CIITA: variants seen among roughly 807,000 people sequenced by gnomAD.
The protein encoded by CIITA is MHC class II transactivator.
CIITA carries 72 observed loss-of-function variants against 115.1 expected under a neutral mutation model. The ratio of observed to expected loss-of-function variants is 0.63; its 90% CI spans 0.52 to 0.76. The LOEUF (loss-of-function observed/expected upper bound fraction) is 0.76, where lower values mean the gene tolerates loss of function less well. Among genes scored for constraint, CIITA ranks in the 30% least tolerant of loss-of-function variants. The probability of loss-of-function intolerance (pLI) is 0.00; values close to 1 mark genes in which losing one functional copy is unlikely to be tolerated. For missense variants in CIITA, 1,617 were observed against 1,463.8 expected, an observed-to-expected ratio of 1.10 and a Z score of -1.71; for synonymous variants, 763 against 635.6, an observed-to-expected ratio of 1.20 and a Z score of -3.02.
At chr16:10,869,982 A>G (rs559784389) in intron 1 of CIITA, among the ~76,000 whole-genome samples, 89 of 152,144 alleles carry the variant, frequency 5.8e-4, no homozygotes, top group Admixed American at 1.3e-3. Flanking sequence ...TATTTGTTGA[A>G]TGTTCAGTGG....
intron 10 of CIITA, among the ~76,000 whole-genome samples, chr16:10,905,459 A>ATTAC (rs2039073572): frequency 6.6e-6 from 1 of 152,154 alleles, no homozygotes. Context: ...TAGTGAGTAA[A>ATTAC]TGAAGGAATG....
intron 16 of CIITA, among the ~76,000 whole-genome samples, chr16:10,919,063 C>T (rs2040125242): frequency 6.6e-6 from 1 of 152,240 alleles, no homozygotes; most frequent in Admixed American, 6.5e-5. Flanking sequence ...GCATTACCAG[C>T]TCTTCTTACT....
chr16:10,886,960 C>T (rs1355705261), intron 1 of CIITA, among the ~76,000 whole-genome samples: 1 of 152,194 alleles, frequency 6.6e-6, no homozygotes, highest in East Asian at 1.9e-4. Flanking sequence ...TGGTAAACCT[C>T]TTTGGGGCCA....
In CIITA at chr16:10,879,168, A is replaced by G; in HGVS notation, c.52+1786A>G. The G allele has an allele frequency of 5.6e-6, 1 of 177,936 alleles. No individual in the cohort carries two copies. Among genetic ancestry groups the G allele is most frequent in the African/African-American group, 2.4e-5 (1 of 42,358 alleles). The allele number at this position is 177,936 out of a possible 1,614,324, so 11.0% of individuals were successfully genotyped here. A position where few individuals can be genotyped will look rare whatever the true frequency, so the allele number is the denominator to read the frequency against. On this transcript the variant is annotated intron_variant, in intron 1 of 19. Coordinates refer to ENST00000324288, the MANE Select transcript of CIITA (RefSeq NM_000246.4). This position sits in a 1 kb window ranked among gnomAD's most constrained non-coding sequence, Gnocchi z 4.3. ...AGGATGGGGGGATGGAATATGCAAA[A>G]TGTAGGGCCGGGAAACACCTCGTTT...
In CIITA at chr16:10,934,565, A is replaced by C. The variant is rs932174993; in HGVS notation, c.*10710A>C. 5 of 152,234 alleles carry C rather than the reference A, an allele frequency of 3.3e-5. No individual in the cohort carries two copies. The East Asian group carries it at 9.6e-4, about 29-fold the overall frequency. 9.4% of individuals were successfully genotyped at this position (152,234 alleles called of 1,614,324 possible). ...GAAACATCAGGACAGCGTGGCCAGG[A>C]GCCCAATGCTGCCACCTCATAGATG... is the stretch of plus-strand genomic sequence containing the variant. On this transcript the variant is annotated 3_prime_UTR_variant, in exon 20 of 20. Coordinates refer to ENST00000324288, the MANE Select transcript of CIITA (RefSeq NM_000246.4). The surrounding 1 kb of genome is among the most constrained non-coding windows in gnomAD (Gnocchi z 4.2).
chr16:10,889,422 G>A (rs1227509142), intron 1 of CIITA, among the ~76,000 whole-genome samples: 1 of 152,078 alleles, frequency 6.6e-6, no homozygotes, highest in Non-Finnish European at 1.5e-5. Context: ...CTAATGTAAT[G>A]GGCTTCCTTT....
intron 5 of CIITA, among the ~76,000 whole-genome samples, chr16:10,900,830 T>C (rs1444976414): frequency 6.6e-6 from 1 of 152,212 alleles, no homozygotes; most frequent in African/African-American, 2.4e-5. Flanking sequence ...ATTTTGATTC[T>C]ACAATTAATG....
At chr16:10,912,200 C>T (rs1031669539) in intron 13 of CIITA, among the ~76,000 whole-genome samples, 1 of 152,018 alleles carries the variant, frequency 6.6e-6, no homozygotes, top group Non-Finnish European at 1.5e-5. Context: ...CTGCAATCTC[C>T]ACCTCTCGGT....
At chr16:10,868,435 A>G (rs1441744492) in intron 1 of CIITA, among the ~76,000 whole-genome samples, 1 of 152,164 alleles carries the variant, frequency 6.6e-6, no homozygotes, top group Admixed American at 6.5e-5. Context: ...CCAAGACAAC[A>G]TTTCTACAGG....
intron 5 of CIITA, among the ~76,000 whole-genome samples, chr16:10,899,670 T>A (rs2144450069): frequency 6.6e-6 from 1 of 152,338 alleles, no homozygotes; most frequent in Middle Eastern, 3.4e-3. Flanking sequence ...AAAATGGGTG[T>A]AACAGTTAAC....
At position 10,894,236 on chromosome 16, in the gene CIITA, G is replaced by A. The variant is rs74891833; in HGVS notation, c.53-1046G>A. On this transcript the variant is annotated intron_variant, in intron 1 of 19. Transcript: ENST00000324288. Reference sequence around the variant, plus strand: ...ATACAATATGTGACCCTTTGTGTCCGGCTTCTTCACTTAGCATTTTTTTTA... The same window carrying A: ...ATACAATATGTGACCCTTTGTGTCCAGCTTCTTCACTTAGCATTTTTTTTA... Among the ~76,000 whole-genome samples the A allele has an allele frequency of 7.1e-4, 108 of 152,018 alleles. No homozygotes were observed. In the East Asian group the frequency reaches 0.02, roughly 29 times the overall value.
intron 18 of CIITA, chr16:10,922,808 C>T: frequency 3.8e-6 from 2 of 520,966 alleles, no homozygotes; most frequent in South Asian, 2.2e-5. Flanking sequence ...CCATTTTTGA[C>T]CTGTAAAATT....
chr16:10,890,271 T>C (rs777100932), intron 1 of CIITA, among the ~76,000 whole-genome samples: 8 of 150,130 alleles, frequency 5.3e-5, no homozygotes, highest in Non-Finnish European at 1.2e-4. Context: ...CAAGCTGCCC[T>C]GCTGGCTGTG....
chr16:10,908,949 G>C (rs1396472332), intron 11 of CIITA, 80 bp from the exon 12 acceptor site: 2 of 1,600,684 alleles, frequency 1.2e-6, no homozygotes, highest in Non-Finnish European at 1.7e-6. Flanking sequence ...TTAATAGGTA[G>C]GAGGACCCTT....
chr16:10,902,597 A>G lies in CIITA; in HGVS notation c.629-61A>G, dbSNP rs1022665349. On this transcript the variant is annotated intron_variant, in intron 7 of 19. Coordinates refer to ENST00000324288, the MANE Select transcript of CIITA (RefSeq NM_000246.4). ...GTCAGACATTAATCAAATAAGCAAA[A>G]GCAGAATCGCAAACACAGGTGCTAT... 3.7e-6 allele frequency: 6 copies of G among 1,608,774 alleles called. No homozygotes were observed. The African/African-American group carries it at 8.0e-5, about 21-fold the overall frequency.
At chr16:10,895,250 G>C in intron 1 of CIITA, 32 bp from the exon 2 acceptor site, 1 of 1,612,686 alleles carries the variant, frequency 6.2e-7, no homozygotes. Flanking sequence ...CCAACACCCT[G>C]TGAGGTGACT....
intron 1 of CIITA, among the ~76,000 whole-genome samples, chr16:10,890,934 G>A (rs544393263): frequency 1.3e-5 from 2 of 152,290 alleles, no homozygotes; most frequent in African/African-American, 2.4e-5. Flanking sequence ...TTTAAAAAAT[G>A]AACTTGCCCA....
Position 10,907,646 on chromosome 16 carries a change from G to A in CIITA, c.2154G>A (p.Gly718=), listed in dbSNP as rs201455192. The A allele has an allele frequency of 4.5e-5, 73 of 1,614,228 alleles. No homozygotes were observed. In the East Asian group the frequency reaches 1.6e-3, roughly 35 times the overall value. ...FPSFLLQCFL[G]ALWLALSGEI... The stretch of plus-strand genomic sequence containing the variant: ...GCTTCCTCCTGCAATGCTTCCTGGG[G>A]GCCCTGTGGCTGGCTCTGAGTGGCG... Residue 718 remains glycine, a synonymous_variant, in exon 11 of 20, where the codon GGG becomes GGA. Transcript: ENST00000324288. This position sits in a 1 kb window ranked among gnomAD's most constrained non-coding sequence, Gnocchi z 5.0.
chr16:10,874,072 C>T (rs1442527028), upstream of CIITA, among the ~76,000 whole-genome samples: 2 of 150,944 alleles, frequency 1.3e-5, no homozygotes, highest in South Asian at 4.2e-4. Context: ...ACCTCCACCT[C>T]CCCCAGGTTC....
Sources: gnomAD v4.1 joint callset for allele counts (sites outside exome capture counted in the v4.1 genomes callset) on GRCh38, gnomAD v4.1.1 for gene constraint, Gnocchi (gnomAD v3.1) non-coding constraint, MANE v1.5 for transcripts, NCBI Gene and HGNC (gene_info 2026-07-23, HGNC 2026-07-21) for gene names.